TCERG1L: variants seen among roughly 807,000 people sequenced by gnomAD.
TCERG1L encodes transcription elongation regulator 1-like protein.
In TCERG1L, 37 loss-of-function variants were observed where a neutral mutation model predicts 56.3. The ratio of observed to expected loss-of-function variants is 0.66; its 90% CI spans 0.51 to 0.87. TCERG1L has a LOEUF of 0.87. TCERG1L is among the 40% of genes least tolerant of loss of function. The pLI is 0.00. For synonymous variants in TCERG1L, 324 were observed against 326.3 expected (o/e 0.99, Z 0.08); for missense variants, 799 against 774.2 (o/e 1.03, Z -0.38).
chr10:131,291,543 C>T (rs553971835), intron 3 of TCERG1L, among the ~76,000 whole-genome samples: 2 of 149,758 alleles, frequency 1.3e-5, no homozygotes, highest in Non-Finnish European at 3.0e-5. Flanking sequence ...TCTCCTGCCT[C>T]AGCCTCCCAA....
At chr10:131,235,873 A>G (rs941446599) in intron 4 of TCERG1L, among the ~76,000 whole-genome samples, 6 of 152,250 alleles carry the variant, frequency 3.9e-5, no homozygotes, top group Non-Finnish European at 5.9e-5. Context: ...ACGAAAATGC[A>G]TTCATCTATT....
rs533241465 is a variant in TCERG1L, at chr10:131,150,994, G to A, written c.1035-4334C>T. On this transcript the variant is annotated intron_variant, in intron 6 of 11. Transcript: ENST00000368642. ...CATCAGATCTCATGAGAACTCACTC[G>A]CTATCACAAGAACATCATGGGGGAA... Among the ~76,000 whole-genome samples the A allele has an allele frequency of 5.9e-5, 9 of 152,230 alleles. No homozygotes were observed. In the South Asian group the frequency reaches 1.7e-3, roughly 28 times the overall value.
chr10:131,158,755 G>A (rs79275744), intron 6 of TCERG1L, among the ~76,000 whole-genome samples: 1,580 of 152,322 alleles, frequency 0.01, 33 homozygotes, highest in African/African-American at 0.036. Context: ...GGCTGAGGGC[G>A]GCCTGGTCTC....
intron 4 of TCERG1L, among the ~76,000 whole-genome samples, chr10:131,197,185 A>AT (rs11412949): frequency 0.62 from 91,651 of 148,532 alleles, 28,346 homozygotes; most frequent in South Asian, 0.69. Flanking sequence ...TCTCTCCTCC[A>AT]TTTTTTTTTT....
rs1214244515 is a variant in TCERG1L at position 131,194,446 on chromosome 10, AGGGCCCTTTT to A, written c.857-27571_857-27562del. Among the ~76,000 whole-genome samples, 4 of 152,272 alleles carry A rather than the reference AGGGCCCTTTT, an allele frequency of 2.6e-5. No homozygotes were observed. The East Asian group carries it at 7.7e-4, about 29-fold the overall frequency. ...GGGTTTGTTTGGGTTATAGAATTAGAGGGCCCTTTTGTCTAAGATAAGGTTTGTGACATGC... is the reference window on the plus strand; with the variant it reads ...GGGTTTGTTTGGGTTATAGAATTAGAGTCTAAGATAAGGTTTGTGACATGC... On this transcript the variant is annotated intron_variant, in intron 4 of 11. Transcript: ENST00000368642.
At chr10:131,280,991 T>C (rs1226908191) in intron 3 of TCERG1L, among the ~76,000 whole-genome samples, 1 of 152,234 alleles carries the variant, frequency 6.6e-6, no homozygotes, top group Admixed American at 6.5e-5. Flanking sequence ...TTTGACCTTT[T>C]AGAGTCAATC....
At chr10:131,181,901 T>C (rs1285334660) in intron 4 of TCERG1L, among the ~76,000 whole-genome samples, 2 of 152,228 alleles carry the variant, frequency 1.3e-5, no homozygotes, top group Non-Finnish European at 2.9e-5. Flanking sequence ...CAACCATTCA[T>C]CCCTCCCAAG....
chr10:131,205,388 A>C (rs1489033354), intron 4 of TCERG1L, among the ~76,000 whole-genome samples: 4 of 152,124 alleles, frequency 2.6e-5, no homozygotes, highest in African/African-American at 9.7e-5. Flanking sequence ...AACAGCAATA[A>C]AATCAAAAAG....
At chr10:131,227,937 C>T (rs1483009311) in intron 4 of TCERG1L, among the ~76,000 whole-genome samples, 1 of 152,142 alleles carries the variant, frequency 6.6e-6, no homozygotes, top group African/African-American at 2.4e-5. Flanking sequence ...TTCCTGCTCC[C>T]TGGCTGAGTG....
chr10:131,248,097 GCA>G (rs1304861302), intron 4 of TCERG1L, among the ~76,000 whole-genome samples: 1 of 150,682 alleles, frequency 6.6e-6, no homozygotes, highest in Non-Finnish European at 1.5e-5. Flanking sequence ...ACACACACAT[GCA>G]CACACATGAT....
chr10:131,227,293 C>T (rs987574020), intron 4 of TCERG1L, among the ~76,000 whole-genome samples: 3 of 152,196 alleles, frequency 2.0e-5, no homozygotes, highest in African/African-American at 7.2e-5. Context: ...AAAAGGTGAT[C>T]CCTGGTTCTC....
At chr10:131,166,764 G>A (rs368246904) in intron 5 of TCERG1L, 33 bp downstream of exon 5, 25 of 1,609,264 alleles carry the variant, frequency 1.6e-5, no homozygotes, top group African/African-American at 1.2e-4. Flanking sequence ...AGGGTTTTGT[G>A]TCTTTAACAC....
At chr10:131,171,187 A>AAAAAAGAAAG (rs111602431) in intron 4 of TCERG1L, among the ~76,000 whole-genome samples, 18,459 of 109,842 alleles carry the variant, frequency 0.17, 2,451 homozygotes, top group African/African-American at 0.34. Flanking sequence ...ACCAAAAAAA[A>AAAAAAGAAAG]GAAGAAAGAA....
chr10:131,245,690 G>T (rs3919692), intron 4 of TCERG1L, among the ~76,000 whole-genome samples: 1 of 152,116 alleles, frequency 6.6e-6, no homozygotes, highest in African/African-American at 2.4e-5. Flanking sequence ...CTTCCCGAGG[G>T]GCTCCTGCCA....
chr10:131,156,968 C>T (rs923025868), intron 6 of TCERG1L, among the ~76,000 whole-genome samples: 1 of 152,192 alleles, frequency 6.6e-6, no homozygotes, highest in African/African-American at 2.4e-5. Context: ...CAACAGCTCA[C>T]AAAGCACATC....
At chr10:131,221,496 C>T (rs1011153037) in intron 4 of TCERG1L, among the ~76,000 whole-genome samples, 7 of 152,214 alleles carry the variant, frequency 4.6e-5, no homozygotes, top group Non-Finnish European at 1.0e-4. Flanking sequence ...GCGAGGAAAG[C>T]GGCGGTCTTC....
At chr10:131,302,445 T>C (rs1846773919) in intron 3 of TCERG1L, among the ~76,000 whole-genome samples, 1 of 151,834 alleles carries the variant, frequency 6.6e-6, no homozygotes, top group Non-Finnish European at 1.5e-5. Flanking sequence ...TCTGGTATAA[T>C]ATTATGAGAC....
intron 4 of TCERG1L, among the ~76,000 whole-genome samples, chr10:131,219,601 C>T (rs1845707841): frequency 6.6e-6 from 1 of 152,194 alleles, no homozygotes. Context: ...GCTACCTCCT[C>T]ACTGATCCTT....
At chr10:131,183,179 T>C (rs1480216958) in intron 4 of TCERG1L, among the ~76,000 whole-genome samples, 1 of 152,212 alleles carries the variant, frequency 6.6e-6, no homozygotes, top group African/African-American at 2.4e-5. Flanking sequence ...ACCATAACTA[T>C]GTTCTATTTG....
Sources: allele counts gnomAD v4.1 joint callset (sites outside exome capture counted in the v4.1 genomes callset), GRCh38; gene constraint gnomAD v4.1.1; transcripts MANE v1.5; gene names NCBI Gene and HGNC (gene_info 2026-07-23, HGNC 2026-07-21).